Variants in TPRG1 observed in about 807,000 individuals in gnomAD.
TPRG1 encodes tumor protein p63-regulated gene 1 protein.
A neutral mutation model predicts 29.3 loss-of-function variants in TPRG1; 29 were observed. The ratio of observed to expected loss-of-function variants is 0.99; its 90% CI spans 0.74 to 1.35. The LOEUF (loss-of-function observed/expected upper bound fraction) is 1.35. Ranked by LOEUF, TPRG1 falls within the 40% of genes most tolerant of loss-of-function variation. The pLI is 0.00. For synonymous variants in TPRG1, 130 were observed against 116.8 expected (o/e 1.11, Z -0.73); for missense variants, 327 against 335.0 (o/e 0.98, Z 0.19).
intron 2 of TPRG1, among the ~76,000 whole-genome samples, chr3:189,211,449 A>T (rs535652288): frequency 6.6e-6 from 1 of 152,298 alleles, no homozygotes; most frequent in South Asian, 2.1e-4. Flanking sequence ...TTATTGACCA[A>T]CAAGTCAATT....
At chr3:189,276,093 T>C (rs1404859346) in intron 4 of TPRG1, among the ~76,000 whole-genome samples, 1 of 151,924 alleles carries the variant, frequency 6.6e-6, no homozygotes. Context: ...TGAAACAGTA[T>C]ATGTGATGAT....
At chr3:189,220,558 A>G (rs992359507) in intron 3 of TPRG1, among the ~76,000 whole-genome samples, 4 of 152,152 alleles carry the variant, frequency 2.6e-5, no homozygotes, top group African/African-American at 4.8e-5. Flanking sequence ...GTACTCATTA[A>G]TCATTTTTCC....
At chr3:189,225,736 A>C (rs940120975) in intron 3 of TPRG1, among the ~76,000 whole-genome samples, 8 of 152,142 alleles carry the variant, frequency 5.3e-5, no homozygotes, top group Non-Finnish European at 1.2e-4. Context: ...GGGTGGGTTT[A>C]AGAAGAGCAC....
intron 1 of TPRG1, among the ~76,000 whole-genome samples, chr3:189,178,281 C>G (rs1314783349): frequency 6.6e-6 from 1 of 152,238 alleles, no homozygotes; most frequent in Non-Finnish European, 1.5e-5. Flanking sequence ...GTAATCCCAG[C>G]ACTTTGGGAG....
At chr3:189,153,196 T>G (rs561746351) in intron 5 of TPRG1, among the ~76,000 whole-genome samples, 49 of 152,214 alleles carry the variant, frequency 3.2e-4, no homozygotes, top group African/African-American at 1.1e-3. Context: ...GAGCACTGTT[T>G]CAGTGTGCAG....
intron 4 of TPRG1, among the ~76,000 whole-genome samples, chr3:189,256,887 C>A (rs1326982069): frequency 6.6e-6 from 1 of 152,050 alleles, no homozygotes; most frequent in Non-Finnish European, 1.5e-5. Context: ...TTATTTTGAG[C>A]CTATGTGTGT....
chr3:189,103,023 T>C (rs1180118471), intron 1 of TPRG1, among the ~76,000 whole-genome samples: 8 of 152,216 alleles, frequency 5.3e-5, no homozygotes, highest in Non-Finnish European at 1.2e-4. Flanking sequence ...TGGTTTATTT[T>C]GGTGCTTCGT....
intron 4 of TPRG1, among the ~76,000 whole-genome samples, chr3:189,247,961 A>G (rs1032513187): frequency 3.3e-5 from 5 of 149,686 alleles, no homozygotes; most frequent in Admixed American, 1.3e-4. Context: ...TAATTGACAT[A>G]TAGATTTTTT....
chr3:189,310,328 A>AG, intron 4 of TPRG1, 58 bp from the exon 5 acceptor site: 1 of 1,197,928 alleles, frequency 8.3e-7, no homozygotes, highest in South Asian at 1.9e-5. Context: ...ATTACATTCT[A>AG]TTTTTTTTTT....
intron 3 of TPRG1, among the ~76,000 whole-genome samples, chr3:189,231,298 A>G (rs1452433189): frequency 6.8e-6 from 1 of 146,916 alleles, no homozygotes; most frequent in African/African-American, 2.5e-5. Flanking sequence ...ACACACACAT[A>G]CATATGGAAT....
At position 189,320,812 on chromosome 3, in the gene TPRG1, G is replaced by T. The variant is rs769151447; in HGVS notation, c.820G>T (p.Gly274Cys). The change falls in exon 6 of 6, where the codon GGT becomes TGT. Residue 274 changes from glycine to cysteine, a missense_variant. Transcript: ENST00000345063. The part of the protein sequence containing the change: ...LGYSLARGSI[G>C]F Reference sequence around the variant, plus strand: ...CTATTCCCTTGCCCGTGGGAGTATTGGTTTTTGAGAGTCTTTTTGGTACCA... The same window carrying T: ...CTATTCCCTTGCCCGTGGGAGTATTTGTTTTTGAGAGTCTTTTTGGTACCA... 2.5e-6 allele frequency: 4 copies of T among 1,578,308 alleles called. No individual in the cohort carries two copies. Among genetic ancestry groups the T allele is most frequent in the Middle Eastern group, 3.4e-4 (2 of 5,948 alleles).
chr3:189,079,662 C>A (rs2152167070), intron 4 of TPRG1, among the ~76,000 whole-genome samples: 1 of 152,204 alleles, frequency 6.6e-6, no homozygotes, highest in East Asian at 1.9e-4. Flanking sequence ...ATTTTTGTTT[C>A]TCTTGGCTTT....
At chr3:189,007,435 T>C (rs1206335859) in intron 3 of TPRG1, among the ~76,000 whole-genome samples, 7 of 151,858 alleles carry the variant, frequency 4.6e-5, no homozygotes, top group African/African-American at 1.7e-4. Context: ...AGGAACACTT[T>C]TACATTGTTG....
intron 4 of TPRG1, among the ~76,000 whole-genome samples, chr3:189,052,248 A>G (rs993836170): frequency 3.3e-5 from 5 of 152,204 alleles, no homozygotes; most frequent in African/African-American, 1.2e-4. Context: ...CAGTGAGATA[A>G]AAACAAACAA....
intron 2 of TPRG1, among the ~76,000 whole-genome samples, chr3:189,001,391 G>A (rs1712010355): frequency 6.6e-6 from 1 of 152,146 alleles, no homozygotes; most frequent in African/African-American, 2.4e-5. Flanking sequence ...ATTTCTGAAG[G>A]CTGGGAATTC....
intron 4 of TPRG1, among the ~76,000 whole-genome samples, chr3:189,071,945 G>T (rs1716834266): frequency 6.6e-6 from 1 of 152,148 alleles, no homozygotes. Flanking sequence ...CTTACAGCAT[G>T]GTATCATCTC....
chr3:189,266,597 T>C (rs566518814), intron 4 of TPRG1, among the ~76,000 whole-genome samples: 1 of 152,056 alleles, frequency 6.6e-6, no homozygotes, highest in African/African-American at 2.4e-5. Context: ...CATGTGAAAA[T>C]GCTCATAGGA....
At chr3:189,216,487 A>T (rs1264891025) in intron 3 of TPRG1, among the ~76,000 whole-genome samples, 1 of 152,182 alleles carries the variant, frequency 6.6e-6, no homozygotes, top group Non-Finnish European at 1.5e-5. Flanking sequence ...ACTCTTAGAC[A>T]CCAACTTATC....
intron 4 of TPRG1, among the ~76,000 whole-genome samples, chr3:189,077,652 G>A (rs1717270417): frequency 6.6e-6 from 1 of 152,144 alleles, no homozygotes; most frequent in Admixed American, 6.5e-5. Flanking sequence ...CTAAACTAAA[G>A]AGAAATTGAT....
Sources: gnomAD v4.1 joint callset for allele counts (sites outside exome capture counted in the v4.1 genomes callset) on GRCh38, gnomAD v4.1.1 for gene constraint, MANE v1.5 for transcripts, NCBI Gene and HGNC (gene_info 2026-07-23, HGNC 2026-07-21) for gene names.